Variants in TPO observed in about 807,000 individuals in gnomAD.
The protein encoded by TPO is thyroid peroxidase.
TPO carries 78 observed loss-of-function variants against 96.9 expected under a neutral mutation model. The ratio of observed to expected loss-of-function variants is 0.81; its 90% confidence interval spans 0.67 to 0.97. The LOEUF (loss-of-function observed/expected upper bound fraction) is 0.97. TPO is among the 50% of genes least tolerant of loss of function. TPO has a pLI of 0.00. For synonymous variants in TPO, 547 were observed against 538.0 expected (o/e 1.02, Z -0.23); for missense variants, 1,252 against 1,274.8 (o/e 0.98, Z 0.27).
intron 1 of TPO, among the ~76,000 whole-genome samples, chr2:1,393,766 G>A (rs1372494264): frequency 6.6e-6 from 1 of 152,208 alleles, no homozygotes; most frequent in Non-Finnish European, 1.5e-5. Flanking sequence ...GATTATTGGA[G>A]TACAAATAAT....
At chr2:1,464,925 T>C (rs749988720) in intron 7 of TPO, among the ~76,000 whole-genome samples, 6 of 152,236 alleles carry the variant, frequency 3.9e-5, no homozygotes, top group Non-Finnish European at 8.8e-5. Flanking sequence ...CTATTTATCT[T>C]TCTTTTTATT....
chr2:1,383,573 G>GT (rs1661843415), intron 1 of TPO, among the ~76,000 whole-genome samples: 1 of 152,114 alleles, frequency 6.6e-6, no homozygotes, highest in Non-Finnish European at 1.5e-5. Context: ...TGATGGGGTT[G>GT]TTTTTTTCTT....
At chr2:1,414,328 G>A in intron 1 of TPO, 80 bp from the exon 2 acceptor site, 1 of 1,372,464 alleles carries the variant, frequency 7.3e-7, no homozygotes, top group African/African-American at 1.4e-5. Flanking sequence ...GAGCCCCTCA[G>A]CAGGGAGACA....
chr2:1,542,105 T>C (rs1680828506), intron 16 of TPO: 6 of 468,580 alleles, frequency 1.3e-5, no homozygotes, highest in Admixed American at 1.1e-4. Context: ...CCAGGCGTTC[T>C]GTTCATCTGT....
intron 6 of TPO, among the ~76,000 whole-genome samples, chr2:1,454,752 GC>G (rs1215441365): frequency 6.6e-6 from 1 of 152,122 alleles, no homozygotes. Context: ...AACCCCCGAG[GC>G]TTTTTAAACT....
chr2:1,539,529 G>A (rs968997947), intron 15 of TPO, among the ~76,000 whole-genome samples: 2 of 152,168 alleles, frequency 1.3e-5, no homozygotes, highest in African/African-American at 2.4e-5. Flanking sequence ...ACTGACAGGA[G>A]GGCTGTCTTC....
chr2:1,492,714 C>G (rs1420166076), intron 10 of TPO, among the ~76,000 whole-genome samples: 1 of 152,210 alleles, frequency 6.6e-6, no homozygotes, highest in Non-Finnish European at 1.5e-5. Flanking sequence ...GCCCAGTGCT[C>G]ACATGTTGCT....
At chr2:1,534,394 T>C (rs1679045267) in intron 15 of TPO, among the ~76,000 whole-genome samples, 1 of 145,240 alleles carries the variant, frequency 6.9e-6, no homozygotes. Context: ...TCCAACTGTG[T>C]GCAACCTCCC....
At chr2:1,398,294 A>G (rs1404113767) in intron 1 of TPO, among the ~76,000 whole-genome samples, 1 of 152,114 alleles carries the variant, frequency 6.6e-6, no homozygotes, top group Non-Finnish European at 1.5e-5. Flanking sequence ...CCTGGGGCCC[A>G]TCTCCTGACT....
intron 5 of TPO, among the ~76,000 whole-genome samples, chr2:1,452,439 C>T (rs549099344): frequency 2.8e-4 from 42 of 152,318 alleles, no homozygotes; most frequent in African/African-American, 9.6e-4. Context: ...GTGCTCCTGT[C>T]TCCTCAAAAG....
At chr2:1,377,376 A>G (rs1430187990) in intron 1 of TPO, among the ~76,000 whole-genome samples, 1 of 152,220 alleles carries the variant, frequency 6.6e-6, no homozygotes, top group Non-Finnish European at 1.5e-5. Context: ...TTGCTGTCAC[A>G]GTTTTATGAA....
chr2:1,416,558 T>C lies in TPO; in HGVS notation c.94+2056T>C, dbSNP rs143743975. Among the ~76,000 whole-genome samples the C allele has an allele frequency of 9.8e-5, 15 of 152,376 alleles. 1 individual carries two copies. The highest frequency in any genetic ancestry group is 3.6e-4 in the African/African-American group (15 of 41,588). On this transcript the variant is annotated intron_variant, in intron 2 of 16. Coordinates refer to ENST00000329066, the MANE Select transcript of TPO (RefSeq NM_001206744.2). ...TTCCATATCTGGGAGATTTGACCTT[T>C]TCGTTTTGCTTAAACTTTTGGTTGA...
upstream of TPO, among the ~76,000 whole-genome samples, chr2:1,412,305 G>C (rs1173858360): frequency 6.6e-6 from 1 of 152,152 alleles, no homozygotes; most frequent in African/African-American, 2.4e-5. Context: ...CTTTTCTTCT[G>C]TTCCCAACAG....
upstream of TPO, among the ~76,000 whole-genome samples, chr2:1,411,839 A>G (rs1662373244): frequency 6.6e-6 from 1 of 152,184 alleles, no homozygotes; most frequent in Non-Finnish European, 1.5e-5. Flanking sequence ...CACTAAGGCC[A>G]GTGGATAATC....
At chr2:1,424,267 C>T (rs560933588) in intron 3 of TPO, among the ~76,000 whole-genome samples, 98 of 151,196 alleles carry the variant, frequency 6.5e-4, no homozygotes, top group Non-Finnish European at 1.0e-3. Context: ...ATCAGTAGGA[C>T]GGAATGTCTG....
intron 7 of TPO, among the ~76,000 whole-genome samples, chr2:1,473,501 C>T (rs562708770): frequency 7.2e-5 from 11 of 152,162 alleles, no homozygotes; most frequent in African/African-American, 2.7e-4. Flanking sequence ...CCATTCTTTT[C>T]CCTAGTTTAT....
intron 8 of TPO, among the ~76,000 whole-genome samples, chr2:1,481,080 C>T (rs1381561470): frequency 2.0e-5 from 3 of 152,108 alleles, no homozygotes; most frequent in African/African-American, 7.2e-5. Flanking sequence ...GATAAAGTTG[C>T]TCTTGCTGGC....
chr2:1,450,840 A>G (rs1005264597), intron 5 of TPO, among the ~76,000 whole-genome samples: 2 of 152,244 alleles, frequency 1.3e-5, no homozygotes, highest in South Asian at 2.1e-4. Context: ...TGGAATTTCA[A>G]TAAAGACAAA....
intron 14 of TPO, among the ~76,000 whole-genome samples, chr2:1,512,008 A>G (rs1194543637): frequency 6.6e-6 from 1 of 152,108 alleles, no homozygotes; most frequent in Non-Finnish European, 1.5e-5. Context: ...CCTGAGAACA[A>G]TTACAACATA....
Sources: gnomAD v4.1 joint callset for allele counts (sites outside exome capture counted in the v4.1 genomes callset) on GRCh38, gnomAD v4.1.1 for gene constraint, MANE v1.5 for transcripts, NCBI Gene and HGNC (gene_info 2026-07-23, HGNC 2026-07-21) for gene names.